The following GDAP2 variants were observed in gnomAD, a reference collection of about 807,000 sequenced individuals.
The protein encoded by GDAP2 is ganglioside induced differentiation associated protein 2.
A neutral mutation model predicts 67.0 loss-of-function variants in GDAP2; 51 were observed. The ratio of observed to expected loss-of-function variants is 0.76; its 90% CI spans 0.61 to 0.96. The LOEUF (loss-of-function observed/expected upper bound fraction) is 0.96, where lower values mean the gene tolerates loss of function less well. Among genes scored for constraint, GDAP2 ranks in the 40% least tolerant of loss-of-function variants. GDAP2 has a pLI of 0.00. For missense variants in GDAP2, 547 were observed against 588.3 expected (o/e 0.93, Z 0.73); for synonymous variants, 203 against 207.3 (o/e 0.98, Z 0.18).
chr1:117,925,651 C>T (rs191267801), intron 1 of GDAP2, among the ~76,000 whole-genome samples: 20 of 152,138 alleles, frequency 1.3e-4, no homozygotes, highest in Non-Finnish European at 2.2e-4. Flanking sequence ...CAGTATGGTT[C>T]GATGTGAGAA....
chr1:117,908,831 AT>A (rs199515150), intron 5 of GDAP2, among the ~76,000 whole-genome samples: 1,727 of 146,118 alleles, frequency 0.012, 33 homozygotes, highest in African/African-American at 0.042. Context: ...TCTCAAAAAA[AT>A]AAATAAATAA....
At chr1:117,896,809 A>T (rs1197074116) in intron 8 of GDAP2, 24 bp downstream of exon 8, 13 of 1,571,220 alleles carry the variant, frequency 8.3e-6, no homozygotes, top group Non-Finnish European at 1.0e-5. Flanking sequence ...TTATGTATCT[A>T]ACAGTCCTGA....
chr1:117,925,264 G>A (rs919465068), intron 1 of GDAP2, among the ~76,000 whole-genome samples: 2 of 152,042 alleles, frequency 1.3e-5, no homozygotes. Context: ...ACCAGCTTGG[G>A]CAACATAGTG....
rs1450383747 is a variant in GDAP2, at chr1:117,867,157, A to G, written c.*3412T>C. 4 of 152,194 alleles carry G rather than the reference A, an allele frequency of 2.6e-5. No homozygotes were observed. Among genetic ancestry groups the G allele is most frequent in the African/African-American group, 9.6e-5 (4 of 41,452 alleles). 9.4% of individuals were successfully genotyped at this position (152,194 alleles called of 1,614,324 possible). A position where few individuals can be genotyped will look rare whatever the true frequency, so the allele number is the denominator to read the frequency against. Reference sequence around the variant, plus strand: ...CACTTCTCCATTAACTGTTATAAAGACAAGACTAAACCTACAGTTTGAATT... The same window carrying G: ...CACTTCTCCATTAACTGTTATAAAGGCAAGACTAAACCTACAGTTTGAATT... On this transcript the variant is annotated 3_prime_UTR_variant, in exon 14 of 14. Coordinates refer to ENST00000369443, the MANE Select transcript of GDAP2 (RefSeq NM_017686.4).
intron 13 of GDAP2, among the ~76,000 whole-genome samples, chr1:117,871,737 C>T (rs575839545): frequency 6.6e-6 from 1 of 152,082 alleles, no homozygotes; most frequent in South Asian, 2.1e-4. Flanking sequence ...TAAACCTAAC[C>T]ATGTATCAAA....
chr1:117,886,718 T>C, intron 9 of GDAP2, 65 bp from the exon 10 acceptor site: 1 of 837,804 alleles, frequency 1.2e-6, no homozygotes, highest in Non-Finnish European at 2.1e-6. Flanking sequence ...TGTCTTGGGC[T>C]CTGACTTTAT....
At chr1:117,896,782 T>C (rs748201570) in intron 8 of GDAP2, 51 bp downstream of exon 8, 20 of 1,313,180 alleles carry the variant, frequency 1.5e-5, no homozygotes, top group Non-Finnish European at 2.1e-5. Flanking sequence ...AAGGTTCCTT[T>C]CTTGCTTCTG....
At chr1:117,918,093 A>T (rs1213587841) in intron 3 of GDAP2, among the ~76,000 whole-genome samples, 1 of 152,218 alleles carries the variant, frequency 6.6e-6, no homozygotes, top group Admixed American at 6.5e-5. Flanking sequence ...AAGGAAAGCA[A>T]GATTTCATAT....
At chr1:117,902,490 G>C (rs1016035248) in intron 6 of GDAP2, among the ~76,000 whole-genome samples, 3 of 152,148 alleles carry the variant, frequency 2.0e-5, no homozygotes, top group Non-Finnish European at 4.4e-5. Context: ...TCTGCTATAA[G>C]GTAGGAATAC....
chr1:117,911,762 A>T (rs1437948149), intron 5 of GDAP2, among the ~76,000 whole-genome samples: 1 of 151,904 alleles, frequency 6.6e-6, no homozygotes, highest in Non-Finnish European at 1.5e-5. Flanking sequence ...ATTAAAAAAA[A>T]AAAAAACCTT....
intron 13 of GDAP2, among the ~76,000 whole-genome samples, chr1:117,871,053 CT>C (rs1298093745): frequency 1.3e-5 from 2 of 152,126 alleles, no homozygotes; most frequent in African/African-American, 2.4e-5. Flanking sequence ...CATCCAGATT[CT>C]TTTTTGTTAG....
intron 1 of GDAP2, among the ~76,000 whole-genome samples, chr1:117,922,023 G>C (rs539615666): frequency 3.9e-5 from 6 of 152,114 alleles, no homozygotes; most frequent in African/African-American, 1.4e-4. Flanking sequence ...GTAGGTTGTA[G>C]GGTAGAGTGA....
intron 6 of GDAP2, among the ~76,000 whole-genome samples, chr1:117,900,123 T>A (rs1361402951): frequency 5.3e-5 from 8 of 152,182 alleles, no homozygotes; most frequent in African/African-American, 1.9e-4. Flanking sequence ...AATTCACCCT[T>A]TTAAAGTACA....
At position 117,918,715 on chromosome 1, in the gene GDAP2, C is replaced by T. The variant is rs368552485; in HGVS notation, c.198G>A (p.Leu66=). 7.5e-6 allele frequency: 12 copies of T among 1,603,720 alleles called. No individual in the cohort carries two copies. The highest frequency in any genetic ancestry group is 1.3e-5 in the African/African-American group (1 of 74,688). The change falls in exon 3 of 14, where the codon CTG becomes CTA. Residue 66 remains leucine, a synonymous_variant. Transcript: ENST00000369443. ...VVLWKGDVAL[L]NCTAIVNTSN... ...TGGTATTCACAATGGCTGTACAGTT[C>T]AGTAATGCCACATCTCCTTTCCTGA...
intron 13 of GDAP2, among the ~76,000 whole-genome samples, chr1:117,876,792 T>C (rs941226068): frequency 1.3e-5 from 2 of 152,202 alleles, no homozygotes; most frequent in Non-Finnish European, 2.9e-5. Context: ...TGGCTTAAAA[T>C]ACAGTCCTTT....
chr1:117,894,919 A>G (rs1033282556), intron 8 of GDAP2, among the ~76,000 whole-genome samples: 5 of 152,198 alleles, frequency 3.3e-5, no homozygotes, highest in Non-Finnish European at 5.9e-5. Context: ...TTTTCTGATG[A>G]GATTGGTGAT....
In GDAP2 at chr1:117,906,644, T is replaced by G. The variant is rs1649670306; in HGVS notation, c.560-62A>C. ...AAAATTACTTATACATAAAGAAAAA[T>G]CAAGCTCTTCAATGTTTTAGTTTTG... On this transcript the variant is annotated intron_variant, in intron 5 of 13. Transcript: ENST00000369443. 3 of 855,908 alleles carry G rather than the reference T, an allele frequency of 3.5e-6. No individual in the cohort carries two copies. In the Admixed American group the frequency reaches 6.4e-5, roughly 18 times the overall value. 53.0% of individuals were successfully genotyped at this position (855,908 alleles called of 1,614,324 possible).
chr1:117,874,470 T>C (rs1277887931), intron 13 of GDAP2, among the ~76,000 whole-genome samples: 1 of 152,228 alleles, frequency 6.6e-6, no homozygotes, highest in Non-Finnish European at 1.5e-5. Flanking sequence ...GGTGTGATGC[T>C]TCTTGTACAG....
At chr1:117,888,235 C>A (rs1234861826) in intron 8 of GDAP2, among the ~76,000 whole-genome samples, 2 of 152,122 alleles carry the variant, frequency 1.3e-5, no homozygotes, top group Non-Finnish European at 2.9e-5. Flanking sequence ...TTGCCTCCCT[C>A]AAGAAGTTCA....
Sources: allele counts gnomAD v4.1 joint callset (sites outside exome capture counted in the v4.1 genomes callset), GRCh38; gene constraint gnomAD v4.1.1; transcripts MANE v1.5; gene names NCBI Gene and HGNC (gene_info 2026-07-23, HGNC 2026-07-21).